Variants in PLVAP observed in about 807,000 individuals in gnomAD.
PLVAP encodes plasmalemma vesicle associated protein.
In PLVAP, 34 loss-of-function variants were observed where a neutral mutation model predicts 43.1. The observed-to-expected ratio is 0.79, with a 90% CI of 0.60 to 1.05. The LOEUF is 1.05. PLVAP is among the 50% of genes least tolerant of loss of function. The probability of loss-of-function intolerance (pLI) is 0.00; values close to 1 mark genes in which losing one functional copy is unlikely to be tolerated. For missense variants in PLVAP, 574 were observed against 593.4 expected (o/e 0.97, Z 0.34); for synonymous variants, 241 against 237.3 (o/e 1.02, Z -0.14).
intron 1 of PLVAP, 131 bp from the exon 2 acceptor site, chr19:17,366,326 G>T: frequency 1.3e-6 from 1 of 767,786 alleles, no homozygotes; most frequent in Non-Finnish European, 2.2e-6. Context: ...CTTTATGAGG[G>T]AATGTTAGAA....
chr19:17,374,668 C>T (rs1237838166), intron 1 of PLVAP, among the ~76,000 whole-genome samples: 1 of 151,854 alleles, frequency 6.6e-6, no homozygotes, highest in Admixed American at 6.6e-5. Context: ...CTCAGTCGCC[C>T]AGGCTGGAGT....
chr19:17,356,814 C>T (rs981681513), intron 5 of PLVAP, among the ~76,000 whole-genome samples: 1 of 151,346 alleles, frequency 6.6e-6, no homozygotes, highest in Admixed American at 6.6e-5. Context: ...ACAAAATTAG[C>T]CGGGCGTGAT....
At chr19:17,376,444 A>T (rs2074595532) in intron 1 of PLVAP, among the ~76,000 whole-genome samples, 2 of 151,428 alleles carry the variant, frequency 1.3e-5, no homozygotes, top group African/African-American at 4.9e-5. Flanking sequence ...GAGCTGTGAT[A>T]GCAATTGCAC....
intron 1 of PLVAP, among the ~76,000 whole-genome samples, chr19:17,376,625 C>T (rs2074596265): frequency 6.6e-6 from 1 of 151,968 alleles, no homozygotes; most frequent in African/African-American, 2.4e-5. Flanking sequence ...TGGTGAAACC[C>T]CATCTCTACT....
intron 1 of PLVAP, among the ~76,000 whole-genome samples, chr19:17,367,620 C>T (rs981247262): frequency 1.3e-5 from 2 of 152,148 alleles, no homozygotes; most frequent in African/African-American, 4.8e-5. Flanking sequence ...AACTCCCAAC[C>T]TCAGGTGATC....
intron 3 of PLVAP, 35 bp downstream of exon 3, chr19:17,365,251 C>G: frequency 1.3e-6 from 2 of 1,570,214 alleles, no homozygotes; most frequent in Non-Finnish European, 1.7e-6. Flanking sequence ...GGACCTAACT[C>G]CACTGCAGCC....
chr19:17,371,999 G>C (rs944162319), intron 1 of PLVAP, among the ~76,000 whole-genome samples: 9 of 147,184 alleles, frequency 6.1e-5, no homozygotes, highest in Admixed American at 1.4e-4. Flanking sequence ...AAAAGCCTTA[G>C]TCATTAGGAG....
chr19:17,365,477 G>A lies in PLVAP; in HGVS notation c.988C>T (p.Gln330Ter), dbSNP rs199712527. 1 of 1,612,682 alleles carries A rather than the reference G, an allele frequency of 6.2e-7. No homozygotes were observed. ...GCTTGGAGCTTGGCCTCCCGGGCCT[G>A]AGCCTCCTTCTCCACCTTCTGTTTC... Reference protein sequence around the residue: ...EAKQKVEKEAQAREAKLQAEC... With the variant: ...EAKQKVEKEA Residue 330 changes from glutamine (Q) to a stop codon, truncating the protein, a stop_gained, in exon 3 of 6, where the codon CAG (glutamine) becomes TAG (stop). Coordinates refer to ENST00000252590, the MANE Select transcript of PLVAP (RefSeq NM_031310.3). LOFTEE classifies it high-confidence loss of function.
intron 1 of PLVAP, among the ~76,000 whole-genome samples, chr19:17,376,045 T>A (rs1311248951): frequency 6.6e-6 from 1 of 150,868 alleles, no homozygotes; most frequent in Non-Finnish European, 1.5e-5. Flanking sequence ...CTGGGCATAG[T>A]GGCATGTCCA....
chr19:17,353,669 A>C (rs1186901445), intron 5 of PLVAP, among the ~76,000 whole-genome samples: 1 of 150,088 alleles, frequency 6.7e-6, no homozygotes, highest in African/African-American at 2.5e-5. Flanking sequence ...CTTCAATATC[A>C]CCTCCTCGGT....
Position 17,352,180 on chromosome 19 carries a change from G to A in PLVAP, c.*182C>T, listed in dbSNP as rs947933499. On this transcript the variant is annotated 3_prime_UTR_variant, in exon 6 of 6. Transcript: ENST00000252590. ...GGCCGTGTGCTCTGGGTGAGGGATC[G>A]TGAGGCGCGGGTGCGGGTGTGAGAG... The A allele has an allele frequency of 6.5e-5, 50 of 772,496 alleles. No individual in the cohort carries two copies. In the East Asian group the frequency reaches 1.4e-3, roughly 21 times the overall value. 47.9% of individuals were successfully genotyped at this position (772,496 alleles called of 1,614,324 possible). A position where few individuals can be genotyped will look rare whatever the true frequency, so the allele number is the denominator to read the frequency against.
intron 1 of PLVAP, among the ~76,000 whole-genome samples, chr19:17,372,324 A>G (rs1047544931): frequency 9.3e-5 from 14 of 150,224 alleles, no homozygotes; most frequent in Admixed American, 2.7e-4. Context: ...TAGGAGAATC[A>G]CTTGAACCCG....
At chr19:17,363,557 C>T (rs2074536247) in intron 3 of PLVAP, among the ~76,000 whole-genome samples, 1 of 58,770 alleles carries the variant, frequency 1.7e-5, no homozygotes, top group African/African-American at 7.8e-5. Context: ...CCCTCCCTTC[C>T]ACCCTTTCCC....
chr19:17,358,078 C>T (rs565577614), intron 5 of PLVAP, among the ~76,000 whole-genome samples: 52 of 152,222 alleles, frequency 3.4e-4, no homozygotes, highest in African/African-American at 1.2e-3. Context: ...TGAGGGCTTT[C>T]GGCCAAGATG....
At chr19:17,359,496 C>T (rs1437028048) in intron 5 of PLVAP, among the ~76,000 whole-genome samples, 3 of 151,858 alleles carry the variant, frequency 2.0e-5, no homozygotes, top group Non-Finnish European at 4.4e-5. Flanking sequence ...ACCTCTGCCT[C>T]CCGGGTTCAA....
chr19:17,360,639 TACAG>T (rs1399155298), intron 4 of PLVAP, 30 bp from the exon 5 acceptor site: 13 of 1,598,654 alleles, frequency 8.1e-6, no homozygotes, highest in African/African-American at 5.4e-5. Context: ...AGGCTTGACC[TACAG>T]CTTCAGTTGC....
In PLVAP at chr19:17,365,457, G is replaced by A. The variant is rs1192777111; in HGVS notation, c.1008C>T (p.Leu336=). 2.5e-6 allele frequency: 4 copies of A among 1,613,012 alleles called. No homozygotes were observed. The highest frequency in any genetic ancestry group is 3.4e-6 in the Non-Finnish European group (4 of 1,180,036). ...EKEAQAREAK[L]QAECSRQTQL... is the part of the protein sequence containing the mutation. ...GGGTCTGCCGGGAGCATTCAGCTTG[G>A]AGCTTGGCCTCCCGGGCCTGAGCCT... The change falls in exon 3 of 6, where the codon CTC becomes CTT. Residue 336 remains leucine (L), a synonymous_variant. Transcript: ENST00000252590.
rs1325707403 is a variant in PLVAP at position 17,365,838 on chromosome 19, T to C, written c.627A>G (p.Gln209=). 1.3e-5 allele frequency: 21 copies of C among 1,614,190 alleles called. No homozygotes were observed. The highest frequency in any genetic ancestry group is 1.8e-5 in the Non-Finnish European group (21 of 1,180,038). ...GTTGCTCCTTGGCCAGCTGGCGCTCTTGGTGCTGCAGCTCCCGGGTTTTCA... is the reference window on the plus strand; with the variant it reads ...GTTGCTCCTTGGCCAGCTGGCGCTCCTGGTGCTGCAGCTCCCGGGTTTTCA... The part of the protein sequence containing the change: ...ECVKTRELQH[Q]ERQLAKEQLQ... The change falls in exon 3 of 6, where the codon CAA becomes CAG. Residue 209 remains glutamine, a synonymous_variant. Transcript: ENST00000252590.
chr19:17,368,477 G>C (rs2074559099), intron 1 of PLVAP, among the ~76,000 whole-genome samples: 1 of 151,912 alleles, frequency 6.6e-6, no homozygotes, highest in African/African-American at 2.4e-5. Context: ...CTCCCAAAGT[G>C]CTGGGATTAT....
Sources: allele counts gnomAD v4.1 joint callset (sites outside exome capture counted in the v4.1 genomes callset), GRCh38; gene constraint gnomAD v4.1.1; transcripts MANE v1.5; gene names NCBI Gene and HGNC (gene_info 2026-07-23, HGNC 2026-07-21).